XKR4: variants seen among roughly 807,000 people sequenced by gnomAD.
The protein encoded by XKR4 is XK related 4.
XKR4 carries 12 observed loss-of-function variants against 53.9 expected under a neutral mutation model. The observed-to-expected ratio is 0.22, with a 90% CI of 0.14 to 0.36. The LOEUF (loss-of-function observed/expected upper bound fraction) is 0.36. Among genes scored for constraint, XKR4 ranks in the 10% least tolerant of loss-of-function variants. The probability of loss-of-function intolerance (pLI) is 1.00; values close to 1 mark genes in which losing one functional copy is unlikely to be tolerated. For synonymous variants in XKR4, 354 were observed against 362.4 expected (o/e 0.98, Z 0.26); for missense variants, 799 against 859.5 (o/e 0.93, Z 0.88).
intron 2 of XKR4, among the ~76,000 whole-genome samples, chr8:55,465,606 C>T (rs1445451319): frequency 2.0e-5 from 3 of 151,668 alleles, no homozygotes; most frequent in Admixed American, 6.6e-5. Context: ...ACACCAAAAG[C>T]AATGGCAACA....
At position 55,473,969 on chromosome 8, in the gene XKR4, G is replaced by A. The variant is rs75982534; in HGVS notation, c.1007-49312G>A. Among the ~76,000 whole-genome samples, 152 of 150,942 alleles carry A rather than the reference G, an allele frequency of 1.0e-3. 1 individual carries two copies. The East Asian group carries it at 0.024, about 24-fold the overall frequency. ...CATCCAGGCTAGAGTGCAGTGGCAC[G>A]ATCATAGCTCATTGCAACCTCCAAC... On this transcript the variant is annotated intron_variant, in intron 2 of 2. Coordinates refer to ENST00000327381, the MANE Select transcript of XKR4 (RefSeq NM_052898.2).
intron 2 of XKR4, among the ~76,000 whole-genome samples, chr8:55,464,782 G>A (rs1051411839): frequency 4.9e-4 from 74 of 152,264 alleles, no homozygotes; most frequent in Admixed American, 1.0e-3. Flanking sequence ...AGCAACTTCA[G>A]CAAAGTCTCA....
intron 2 of XKR4, among the ~76,000 whole-genome samples, chr8:55,392,737 G>A (rs1804460457): frequency 6.6e-6 from 1 of 152,178 alleles, no homozygotes; most frequent in Non-Finnish European, 1.5e-5. Context: ...GTTACAGTGA[G>A]CTGAGATTGA....
At chr8:55,378,105 G>A (rs865821605) in intron 2 of XKR4, among the ~76,000 whole-genome samples, 6 of 152,202 alleles carry the variant, frequency 3.9e-5, no homozygotes, top group African/African-American at 1.2e-4. Flanking sequence ...TTGGGAAAAG[G>A]AGATCTGGTC....
intron 1 of XKR4, among the ~76,000 whole-genome samples, chr8:55,155,015 G>A (rs1467424014): frequency 6.6e-6 from 1 of 152,114 alleles, no homozygotes; most frequent in African/African-American, 2.4e-5. Context: ...AGCAGTTCAA[G>A]GAGCTCTTTC....
Position 55,256,250 on chromosome 8 carries a change from G to C in XKR4, c.807-101428G>C, listed in dbSNP as rs575536379. On this transcript the variant is annotated intron_variant, in intron 1 of 2. Coordinates refer to ENST00000327381, the MANE Select transcript of XKR4 (RefSeq NM_052898.2). The stretch of plus-strand genomic sequence containing the variant: ...TGAGACTGAGGACTTGGGTCTTATG[G>C]ATCTTATTGAAGAACTTGAACTTTA... Among the ~76,000 whole-genome samples the C allele has an allele frequency of 5.9e-5, 9 of 152,298 alleles. No homozygotes were observed. The East Asian group carries it at 1.5e-3, about 26-fold the overall frequency.
intron 1 of XKR4, among the ~76,000 whole-genome samples, chr8:55,286,669 C>G (rs1818911675): frequency 6.6e-6 from 1 of 152,206 alleles, no homozygotes; most frequent in East Asian, 1.9e-4. Context: ...TTTCTCACAG[C>G]ATGCCTTCAG....
chr8:55,132,698 G>GGT (rs1816575062), intron 1 of XKR4, among the ~76,000 whole-genome samples: 1 of 152,106 alleles, frequency 6.6e-6, no homozygotes, highest in African/African-American at 2.4e-5. Flanking sequence ...ACTTCAAGGT[G>GGT]GTGTGGCTGC....
intron 2 of XKR4, among the ~76,000 whole-genome samples, chr8:55,384,023 C>T (rs1804272447): frequency 6.6e-6 from 1 of 152,138 alleles, no homozygotes; most frequent in Admixed American, 6.5e-5. Context: ...TGCAAGTCTC[C>T]CTTTTGAGTT....
At chr8:55,293,443 T>C (rs1819060157) in intron 1 of XKR4, among the ~76,000 whole-genome samples, 2 of 152,242 alleles carry the variant, frequency 1.3e-5, no homozygotes, top group Non-Finnish European at 2.9e-5. Flanking sequence ...AAAAAATATT[T>C]CTTATAAAAT....
At chr8:55,359,260 G>A (rs71519409) in intron 2 of XKR4, among the ~76,000 whole-genome samples, 1 of 152,302 alleles carries the variant, frequency 6.6e-6, no homozygotes, top group Non-Finnish European at 1.5e-5. Flanking sequence ...GGCATGCAGA[G>A]GCCTGGGCTC....
In XKR4 at chr8:55,501,699, T is replaced by C. The variant is rs940137339; in HGVS notation, c.1007-21582T>C. Among the ~76,000 whole-genome samples, 6 of 152,280 alleles carry C rather than the reference T, an allele frequency of 3.9e-5. No individual in the cohort carries two copies. In the East Asian group the frequency reaches 7.7e-4, roughly 20 times the overall value. ...GTAAATACATACATATATATATATA[T>C]ATGTAACATTTTGTTTATCCATTCA... On this transcript the variant is annotated intron_variant, in intron 2 of 2. Transcript: ENST00000327381.
chr8:55,479,563 A>C (rs576921361), intron 2 of XKR4, among the ~76,000 whole-genome samples: 1 of 152,302 alleles, frequency 6.6e-6, no homozygotes, highest in South Asian at 2.1e-4. Context: ...GGAGAACTGA[A>C]GGAAATAGAG....
chr8:55,457,681 G>C (rs1246539927), intron 2 of XKR4, among the ~76,000 whole-genome samples: 1 of 152,176 alleles, frequency 6.6e-6, no homozygotes, highest in African/African-American at 2.4e-5. Context: ...GAGAAATGAA[G>C]AGCACTGGAA....
chr8:55,427,964 A>G (rs987229033), intron 2 of XKR4, among the ~76,000 whole-genome samples: 1 of 152,230 alleles, frequency 6.6e-6, no homozygotes, highest in Admixed American at 6.5e-5. Flanking sequence ...GGCAGTCTCC[A>G]AGTACAGATT....
At position 55,526,478 on chromosome 8, in the gene XKR4, G is replaced by T. The variant is rs1158383114; in HGVS notation, c.*2251G>T. 1 of 152,166 alleles carries T rather than the reference G, an allele frequency of 6.6e-6. No homozygotes were observed. Among genetic ancestry groups the T allele is most frequent in the Non-Finnish European group, 1.5e-5 (1 of 68,022 alleles). The allele number at this position is 152,166 out of a possible 1,614,324, so 9.4% of individuals were successfully genotyped here. On this transcript the variant is annotated 3_prime_UTR_variant, in exon 3 of 3. Transcript: ENST00000327381. ...GAAAGATTACCTAGTCACCAGTAAA[G>T]GCCCAGGAAAAGGCTCTTCTTGTCA... is the stretch of plus-strand genomic sequence containing the variant.
chr8:55,388,758 A>G (rs1435648611), intron 2 of XKR4, among the ~76,000 whole-genome samples: 1 of 152,204 alleles, frequency 6.6e-6, no homozygotes, highest in Non-Finnish European at 1.5e-5. Context: ...CCTTAGCTAC[A>G]TCCAACTCAT....
intron 2 of XKR4, among the ~76,000 whole-genome samples, chr8:55,411,101 TACTAACATTAGTTAGC>T (rs1334561470): frequency 6.6e-6 from 1 of 152,238 alleles, no homozygotes; most frequent in Non-Finnish European, 1.5e-5. Flanking sequence ...CGTGGTCTTG[TACTAACATTAGTTAGC>T]ACAAGGGGGC....
intron 2 of XKR4, chr8:55,450,053 C>T (rs1563353163): frequency 2.6e-6 from 2 of 767,128 alleles, no homozygotes; most frequent in South Asian, 2.9e-5. Context: ...CCACGTCCAT[C>T]TGGCCGGGCT....
Sources: gnomAD v4.1 joint callset for allele counts (sites outside exome capture counted in the v4.1 genomes callset) on GRCh38, gnomAD v4.1.1 for gene constraint, MANE v1.5 for transcripts, NCBI Gene and HGNC (gene_info 2026-07-23, HGNC 2026-07-21) for gene names.